PDE4D: variants seen among roughly 807,000 people sequenced by gnomAD.
The protein encoded by PDE4D is phosphodiesterase 4D.
PDE4D carries 24 observed loss-of-function variants against 87.4 expected under a neutral mutation model. The ratio of observed to expected loss-of-function variants is 0.27; its 90% CI spans 0.20 to 0.39. PDE4D has a LOEUF of 0.39. Ranked by LOEUF, PDE4D falls within the 10% of genes least tolerant of loss-of-function variation. The probability of loss-of-function intolerance (pLI) is 1.00; values close to 1 mark genes in which losing one functional copy is unlikely to be tolerated. For synonymous variants in PDE4D, 384 were observed against 383.2 expected (o/e 1.00, Z -0.02); for missense variants, 714 against 1,041.0 (o/e 0.69, Z 4.32).
intron 1 of PDE4D, among the ~76,000 whole-genome samples, chr5:60,516,537 A>C (rs995039392): frequency 6.6e-6 from 1 of 152,258 alleles, no homozygotes; most frequent in African/African-American, 2.4e-5. Context: ...GGCAAAAGAC[A>C]GTAGGGTATT....
chr5:60,123,309 C>T (rs1778850201), intron 2 of PDE4D, among the ~76,000 whole-genome samples: 1 of 152,148 alleles, frequency 6.6e-6, no homozygotes, highest in Non-Finnish European at 1.5e-5. Context: ...TCCATTTTCA[C>T]ATTGCTTATA....
intron 2 of PDE4D, among the ~76,000 whole-genome samples, chr5:60,176,196 T>C (rs1783884977): frequency 6.6e-6 from 1 of 152,158 alleles, no homozygotes; most frequent in Non-Finnish European, 1.5e-5. Flanking sequence ...TTCATTAAAA[T>C]GTTTAGCTGA....
intron 1 of PDE4D, among the ~76,000 whole-genome samples, chr5:60,292,262 A>G (rs2149774565): frequency 6.6e-6 from 1 of 152,352 alleles, no homozygotes; most frequent in South Asian, 2.1e-4. Flanking sequence ...TATGGTTTAC[A>G]ATAACTGAGG....
chr5:59,934,086 C>T (rs1041761191), intron 3 of PDE4D, among the ~76,000 whole-genome samples: 5 of 152,066 alleles, frequency 3.3e-5, no homozygotes, highest in Non-Finnish European at 7.4e-5. Context: ...CAGGCTCAAA[C>T]GATTCTCCTG....
At chr5:59,276,748 A>G (rs1317860607) in intron 1 of PDE4D, among the ~76,000 whole-genome samples, 1 of 152,082 alleles carries the variant, frequency 6.6e-6, no homozygotes. Context: ...ACACACAAAG[A>G]CTTGGGTTTG....
chr5:59,740,127 G>A (rs186622557), intron 1 of PDE4D, among the ~76,000 whole-genome samples: 1 of 152,260 alleles, frequency 6.6e-6, no homozygotes, highest in African/African-American at 2.4e-5. Flanking sequence ...CTGGTGTCCT[G>A]AAACTGAATA....
chr5:59,803,605 A>G (rs1767405316), intron 1 of PDE4D, among the ~76,000 whole-genome samples: 1 of 152,208 alleles, frequency 6.6e-6, no homozygotes, highest in Non-Finnish European at 1.5e-5. Flanking sequence ...GGCCCCAGCA[A>G]TGAGTTCTTA....
At chr5:58,999,591 A>G in intron 6 of PDE4D, 1 of 1,228,456 alleles carries the variant, frequency 8.1e-7, no homozygotes, top group Non-Finnish European at 1.0e-6. Context: ...TAAGCTCTAA[A>G]ATGTATTTAG....
At chr5:60,154,834 T>C (rs1781821347) in intron 2 of PDE4D, among the ~76,000 whole-genome samples, 1 of 152,232 alleles carries the variant, frequency 6.6e-6, no homozygotes, top group Non-Finnish European at 1.5e-5. Flanking sequence ...AATCATATAG[T>C]ATGCATTCTT....
intron 5 of PDE4D, among the ~76,000 whole-genome samples, chr5:59,129,646 T>C (rs1775988582): frequency 6.6e-6 from 1 of 152,200 alleles, no homozygotes; most frequent in Admixed American, 6.5e-5. Flanking sequence ...TCCCCAATAG[T>C]TTTGCCTTCT....
intron 2 of PDE4D, among the ~76,000 whole-genome samples, chr5:59,207,884 A>C (rs1749163144): frequency 6.6e-6 from 1 of 151,974 alleles, no homozygotes; most frequent in Non-Finnish European, 1.5e-5. Context: ...AAAAGATTTA[A>C]AAGTGAGTTC....
chr5:60,404,512 T>C (rs929426805), intron 1 of PDE4D, among the ~76,000 whole-genome samples: 13 of 152,230 alleles, frequency 8.5e-5, no homozygotes, highest in African/African-American at 2.9e-4. Flanking sequence ...TCTGTGATGA[T>C]GAAAATGTTC....
chr5:60,390,557 G>A (rs1437574588), intron 1 of PDE4D, among the ~76,000 whole-genome samples: 1 of 151,580 alleles, frequency 6.6e-6, no homozygotes, highest in East Asian at 1.9e-4. Context: ...TATCAGCACT[G>A]AAACACTCTC....
At chr5:58,977,706 G>A (rs1013399298) in intron 11 of PDE4D, among the ~76,000 whole-genome samples, 12 of 152,076 alleles carry the variant, frequency 7.9e-5, no homozygotes, top group Admixed American at 7.2e-4. Context: ...ATAAGGTTTT[G>A]TATTCCTGAT....
At chr5:60,445,053 A>G (rs1233773746) in intron 1 of PDE4D, among the ~76,000 whole-genome samples, 1 of 152,124 alleles carries the variant, frequency 6.6e-6, no homozygotes, top group African/African-American at 2.4e-5. Flanking sequence ...TGTATACACA[A>G]CAAGCAGGGC....
chr5:59,685,043 C>T (rs1341801871), intron 1 of PDE4D, among the ~76,000 whole-genome samples: 6 of 152,166 alleles, frequency 3.9e-5, no homozygotes, highest in Non-Finnish European at 1.5e-5. Flanking sequence ...AAGACTCAGA[C>T]TAACACATAG....
chr5:59,951,426 C>T (rs1232289743), intron 3 of PDE4D, among the ~76,000 whole-genome samples: 1 of 152,182 alleles, frequency 6.6e-6, no homozygotes. Flanking sequence ...TATCTACTGT[C>T]ACCATCATTT....
intron 1 of PDE4D, among the ~76,000 whole-genome samples, chr5:59,582,889 A>C (rs2153700547): frequency 6.6e-6 from 1 of 152,234 alleles, no homozygotes; most frequent in South Asian, 2.1e-4. Flanking sequence ...AACCCTAAGC[A>C]CCAAATAAGC....
intron 5 of PDE4D, among the ~76,000 whole-genome samples, chr5:59,043,688 A>AAT (rs1311300869): frequency 1.3e-5 from 2 of 152,008 alleles, no homozygotes; most frequent in African/African-American, 2.4e-5. Context: ...TATATCTCCT[A>AAT]ATGCTATCCC....
Sources: gnomAD v4.1 joint callset for allele counts (sites outside exome capture counted in the v4.1 genomes callset) on GRCh38, gnomAD v4.1.1 for gene constraint, MANE v1.5 for transcripts, NCBI Gene and HGNC (gene_info 2026-07-23, HGNC 2026-07-21) for gene names.